BLMH: variants seen among roughly 807,000 people sequenced by gnomAD.
BLMH encodes the protein bleomycin hydrolase.
A neutral mutation model predicts 61.6 loss-of-function variants in BLMH; 32 were observed. The observed-to-expected ratio is 0.52, with a 90% CI of 0.39 to 0.70. The LOEUF (loss-of-function observed/expected upper bound fraction) is 0.70, where lower values mean the gene tolerates loss of function less well. Among genes scored for constraint, BLMH ranks in the 30% least tolerant of loss-of-function variants. The probability of loss-of-function intolerance (pLI) is 0.00; values close to 1 mark genes in which losing one functional copy is unlikely to be tolerated. For synonymous variants in BLMH, 183 were observed against 193.8 expected (o/e 0.94, Z 0.46); for missense variants, 460 against 555.5 (o/e 0.83, Z 1.73).
At chr17:30,266,131 A>G (rs1188557962) in intron 11 of BLMH, among the ~76,000 whole-genome samples, 4 of 152,190 alleles carry the variant, frequency 2.6e-5, no homozygotes, top group African/African-American at 4.8e-5. Context: ...AGGTATGACA[A>G]CTTCTAAGGA....
At chr17:30,270,163 A>T (rs1260158449) in intron 10 of BLMH, among the ~76,000 whole-genome samples, 2 of 152,242 alleles carry the variant, frequency 1.3e-5, no homozygotes, top group African/African-American at 4.8e-5. Flanking sequence ...CATTTTAAAG[A>T]TCATAAATCT....
intron 2 of BLMH, 33 bp from the exon 3 acceptor site, chr17:30,289,515 G>T: frequency 6.6e-7 from 1 of 1,508,824 alleles, no homozygotes; most frequent in Non-Finnish European, 9.1e-7. Context: ...GAAATTATGA[G>T]GGTTCACATA....
intron 11 of BLMH, chr17:30,249,615 C>T (rs908741682): frequency 1.9e-5 from 3 of 155,918 alleles, no homozygotes; most frequent in Non-Finnish European, 4.2e-5. Flanking sequence ...CTTTCTTACC[C>T]TACCAGTGTC....
At chr17:30,290,313 G>A (rs1419831486) in intron 2 of BLMH, among the ~76,000 whole-genome samples, 1 of 152,184 alleles carries the variant, frequency 6.6e-6, no homozygotes, top group Non-Finnish European at 1.5e-5. Context: ...TGTAAGACCT[G>A]ACCTGTTCCC....
At chr17:30,283,430 C>G (rs1356266209) in intron 6 of BLMH, among the ~76,000 whole-genome samples, 1 of 151,788 alleles carries the variant, frequency 6.6e-6, no homozygotes, top group Non-Finnish European at 1.5e-5. Flanking sequence ...CATCAAAAGC[C>G]AAAAGGATGC....
intron 11 of BLMH, among the ~76,000 whole-genome samples, chr17:30,261,516 A>T (rs2143020538): frequency 6.6e-6 from 1 of 152,328 alleles, no homozygotes; most frequent in East Asian, 1.9e-4. Flanking sequence ...TGCATACATT[A>T]TTTCATTTGA....
At chr17:30,267,047 GAAACAGCCTGCTCTATAC>G in intron 10 of BLMH, 93 bp from the exon 11 acceptor site, 1 of 1,166,214 alleles carries the variant, frequency 8.6e-7, no homozygotes. Context: ...CCACTTGAAA[GAAACAGCCTGCTCTATAC>G]AGGCAGCCTG....
At chr17:30,280,926 T>C (rs1462099513) in intron 6 of BLMH, among the ~76,000 whole-genome samples, 1 of 152,126 alleles carries the variant, frequency 6.6e-6, no homozygotes, top group Non-Finnish European at 1.5e-5. Context: ...TGTGGGTAAA[T>C]GAGCTAGTTA....
At chr17:30,253,995 A>C (rs943075752) in intron 11 of BLMH, among the ~76,000 whole-genome samples, 1 of 152,232 alleles carries the variant, frequency 6.6e-6, no homozygotes, top group Non-Finnish European at 1.5e-5. Context: ...AAATTCATTC[A>C]GAAACAGAAG....
At chr17:30,251,672 C>G (rs1907670913) in intron 11 of BLMH, among the ~76,000 whole-genome samples, 1 of 149,510 alleles carries the variant, frequency 6.7e-6, no homozygotes, top group African/African-American at 2.5e-5. Flanking sequence ...TTCTCATAAA[C>G]CTAGGCCTGT....
chr17:30,285,966 G>A (rs771728731), intron 5 of BLMH, among the ~76,000 whole-genome samples: 2 of 152,146 alleles, frequency 1.3e-5, no homozygotes, highest in Non-Finnish European at 2.9e-5. Context: ...CAAGATAAAG[G>A]TGAGTCTGAA....
At chr17:30,273,690 GA>G in intron 7 of BLMH, 1 of 269,026 alleles carries the variant, frequency 3.7e-6, no homozygotes, top group Non-Finnish European at 7.0e-6. Flanking sequence ...TCCCCGAGGG[GA>G]CCTCAGTGCA....
chr17:30,281,086 TTTG>T (rs1360789138), intron 6 of BLMH, among the ~76,000 whole-genome samples: 1 of 145,624 alleles, frequency 6.9e-6, no homozygotes, highest in East Asian at 1.9e-4. Context: ...TTGTTGTTTC[TTTG>T]TTGTTTTTTT....
rs199684026 is a variant in BLMH, at chr17:30,285,528, T to A, written c.553-48A>T. The A allele has an allele frequency of 8.7e-5, 128 of 1,479,070 alleles. No homozygotes were observed. The East Asian group carries it at 1.5e-3, about 17-fold the overall frequency. 91.6% of individuals were successfully genotyped at this position (1,479,070 alleles called of 1,614,324 possible). A position where few individuals can be genotyped will look rare whatever the true frequency, so the allele number is the denominator to read the frequency against. On this transcript the variant is annotated intron_variant, in intron 5 of 11. Transcript: ENST00000261714. ...ACTCCAACAGTTACCCGAATTCAATTGTAAATGACTCTCATAGACCAACGC... is the reference window on the plus strand; with the variant it reads ...ACTCCAACAGTTACCCGAATTCAATAGTAAATGACTCTCATAGACCAACGC...
At position 30,291,409 on chromosome 17, in the gene BLMH, T is replaced by C; in HGVS notation, c.113A>G (p.Asp38Gly). 1 of 1,614,172 alleles carries C rather than the reference T, an allele frequency of 6.2e-7. No individual in the cohort carries two copies. Among genetic ancestry groups the C allele is most frequent in the Non-Finnish European group, 8.5e-7 (1 of 1,180,042 alleles). The change falls in exon 2 of 12, where the codon GAC becomes GGC. Residue 38 changes from aspartate to glycine, a missense_variant. Physicochemically the swap from Asp to Gly is moderately conservative, Grantham distance 94 (BLOSUM62 -1). Coordinates refer to ENST00000261714, the MANE Select transcript of BLMH (RefSeq NM_000386.4). ...CACCGTGGCCCGCTTCAGACAGATG[T>C]CCAGCAGGTCGTGGGTGGTCCCGAC... ...QNVGTTHDLL[D>G]ICLKRATVQR... is the part of the protein sequence containing the mutation.
At chr17:30,285,678 A>T (rs1329046319) in intron 5 of BLMH, 198 bp from the exon 6 acceptor site, 2 of 439,494 alleles carry the variant, frequency 4.6e-6, no homozygotes, top group Non-Finnish European at 8.1e-6. Flanking sequence ...GAGAAAAGGC[A>T]TAAGTTACTC....
At chr17:30,266,527 AAAAAAAAAAAAG>A (rs1469431344) in intron 11 of BLMH, among the ~76,000 whole-genome samples, 5 of 150,432 alleles carry the variant, frequency 3.3e-5, no homozygotes, top group African/African-American at 9.9e-5. Context: ...TCTGTCCAAA[AAAAAAAAAAAAG>A]AAAAAAAAAA....
chr17:30,273,118 G>C, intron 7 of BLMH: 1 of 510,512 alleles, frequency 2.0e-6, no homozygotes, highest in Non-Finnish European at 3.4e-6. Context: ...ACAATTAGGA[G>C]GTGCATCTAC....
At chr17:30,273,756 C>T (rs1908344195) in intron 7 of BLMH, 1 of 424,000 alleles carries the variant, frequency 2.4e-6, no homozygotes, top group Admixed American at 4.4e-5. Flanking sequence ...TTGTTTTGCA[C>T]TTGAGAATGA....
Sources: gnomAD v4.1 joint callset for allele counts (sites outside exome capture counted in the v4.1 genomes callset) on GRCh38, gnomAD v4.1.1 for gene constraint, MANE v1.5 for transcripts, NCBI Gene and HGNC (gene_info 2026-07-23, HGNC 2026-07-21) for gene names.